Variants in KLRF1 observed in about 807,000 individuals in gnomAD.
KLRF1 encodes killer cell lectin like receptor F1.
Under a neutral mutation model 30.7 loss-of-function variants are expected in KLRF1, and 27 were observed. The observed-to-expected ratio is 0.88, with a 90% CI of 0.65 to 1.21. The LOEUF is 1.21. Among genes scored for constraint, KLRF1 ranks in the 50% most tolerant of loss-of-function variants. The pLI, the probability that KLRF1 is intolerant of heterozygous loss-of-function variation, is 0.00. For synonymous variants in KLRF1, 92 were observed against 89.3 expected, an observed-to-expected ratio of 1.03 and a Z score of -0.17; for missense variants, 246 against 259.3, an observed-to-expected ratio of 0.95 and a Z score of 0.35.
At chr12:9,822,173 C>T in the KLRF1 span, among the ~76,000 whole-genome samples, 4 of 152,186 alleles carry the variant, frequency 2.6e-5, no homozygotes, top group African/African-American at 9.7e-5. Context: ...GCAGAGCTGA[C>T]TGAAATGACA....
Position 9,841,966 on chromosome 12 carries a change from A to T in KLRF1, c.474+15A>T. 4 of 1,603,104 alleles carry T rather than the reference A, an allele frequency of 2.5e-6. No homozygotes were observed. Among genetic ancestry groups the T allele is most frequent in the Non-Finnish European group, 3.4e-6 (4 of 1,175,454 alleles). ...AACTTGAAATGGTAATTGGTCTAGT[A>T]TCAGGGTTATGGCATCTTTGCAGTA... On this transcript the variant is annotated intron_variant, in intron 4 of 5. Coordinates refer to ENST00000617889, the MANE Select transcript of KLRF1 (RefSeq NM_016523.3).
chr12:9,824,936 A>T (rs1270784999), upstream of KLRF1, among the ~76,000 whole-genome samples: 1 of 152,188 alleles, frequency 6.6e-6, no homozygotes, highest in African/African-American at 2.4e-5. Flanking sequence ...CTCTACAAGG[A>T]TAATTACAAA....
In KLRF1 at chr12:9,832,341, T is replaced by A. The variant is rs960700578; in HGVS notation, c.111T>A (p.Tyr37Ter). The A allele has an allele frequency of 6.2e-7, 1 of 1,607,336 alleles. No homozygotes were observed. The highest frequency in any genetic ancestry group is 1.3e-5 in the African/African-American group (1 of 74,754). Residue 37 changes from tyrosine (Y) to a stop codon, truncating the protein, a stop_gained, in exon 2 of 6, where the codon TAT (tyrosine) becomes TAA (stop). Coordinates refer to ENST00000617889, the MANE Select transcript of KLRF1 (RefSeq NM_016523.3). LOFTEE classifies it high-confidence loss of function. ...FKDYSVTLHW[Y>*]KILLGISGTV... ...ATTATTCAGTGACGTTGCACTGGTA[T>A]AAAATCTTACTGGGAATATCTGGAA...
chr12:9,832,161 A>G (rs1867443258), intron 1 of KLRF1, among the ~76,000 whole-genome samples, 155 bp from the exon 2 acceptor site: 1 of 152,178 alleles, frequency 6.6e-6, no homozygotes, highest in African/African-American at 2.4e-5. Flanking sequence ...ATAAATGTAT[A>G]TATTTTTCTA....
the KLRF1 span, among the ~76,000 whole-genome samples, chr12:9,803,968 G>C: frequency 6.6e-6 from 1 of 151,610 alleles, no homozygotes; most frequent in Non-Finnish European, 1.5e-5. Flanking sequence ...TTGATATCCT[G>C]GAAATAACTT....
chr12:9,809,023 T>A, the KLRF1 span, among the ~76,000 whole-genome samples: 1 of 152,162 alleles, frequency 6.6e-6, no homozygotes. Context: ...ATATATTCAA[T>A]GTATAGATGA....
At chr12:9,806,760 C>T in the KLRF1 span, among the ~76,000 whole-genome samples, 2 of 152,032 alleles carry the variant, frequency 1.3e-5, no homozygotes, top group Admixed American at 6.6e-5. Context: ...CGGCTCATTG[C>T]AACCTTAACC....
At chr12:9,817,714 G>T in the KLRF1 span, 1 of 218,350 alleles carries the variant, frequency 4.6e-6, no homozygotes, top group South Asian at 7.3e-5. Context: ...GTCTTTGCCT[G>T]TCTTTTCCTC....
the KLRF1 span, among the ~76,000 whole-genome samples, chr12:9,812,365 A>G: frequency 2.7e-5 from 1 of 37,266 alleles, no homozygotes; most frequent in Non-Finnish European, 7.7e-5. Flanking sequence ...ACGCCGTCTC[A>G]GGAAAAAAAA....
chr12:9,822,441 G>A, the KLRF1 span, among the ~76,000 whole-genome samples: 1 of 152,034 alleles, frequency 6.6e-6, no homozygotes, highest in East Asian at 1.9e-4. Flanking sequence ...AAATAAGACA[G>A]TCAGACAAAA....
chr12:9,820,121 A>G, the KLRF1 span, among the ~76,000 whole-genome samples: 1 of 151,918 alleles, frequency 6.6e-6, no homozygotes, highest in Non-Finnish European at 1.5e-5. Flanking sequence ...TGACCACCCA[A>G]CTGGGATCAC....
chr12:9,841,994 A>G (rs1478636842), intron 4 of KLRF1, 43 bp downstream of exon 4: 1 of 1,557,814 alleles, frequency 6.4e-7, no homozygotes, highest in Admixed American at 2.0e-5. Flanking sequence ...TTGCAGTAAA[A>G]AATGGCTTTC....
chr12:9,830,393 T>A (rs1402727921), intron 1 of KLRF1, among the ~76,000 whole-genome samples: 1 of 152,136 alleles, frequency 6.6e-6, no homozygotes, highest in Admixed American at 6.5e-5. Flanking sequence ...TATTTCTACC[T>A]GTAATTAGAA....
upstream of KLRF1, among the ~76,000 whole-genome samples, chr12:9,827,155 T>C (rs1258265590): frequency 6.6e-6 from 1 of 152,188 alleles, no homozygotes; most frequent in Non-Finnish European, 1.5e-5. Context: ...GGGAGGCTAA[T>C]TCAAATGATA....
chr12:9,841,825 A>G lies in KLRF1; in HGVS notation c.348A>G (p.Ser116=), dbSNP rs1292594712. 6.2e-7 allele frequency: 1 copy of G among 1,606,672 alleles called. No individual in the cohort carries two copies. The highest frequency in any genetic ancestry group is 8.5e-7 in the Non-Finnish European group (1 of 1,174,340). ...RSADQTVLCQ[S]EWLKYQGKCY... ...ATTTCTCTGTAGTACTATGCCAATC[A>G]GAATGGCTCAAATACCAAGGGAAGT... The change falls in exon 4 of 6, where the codon TCA becomes TCG. Residue 116 remains serine (S), a synonymous_variant. Coordinates refer to ENST00000617889, the MANE Select transcript of KLRF1 (RefSeq NM_016523.3).
intron 3 of KLRF1, among the ~76,000 whole-genome samples, 181 bp from the exon 4 acceptor site, chr12:9,841,631 C>G (rs1867704615): frequency 6.6e-6 from 1 of 152,030 alleles, no homozygotes; most frequent in African/African-American, 2.4e-5. Context: ...AATTAATTGT[C>G]TTAATTCCCA....
Position 9,841,831 on chromosome 12 carries a change from G to T in KLRF1, c.354G>T (p.Trp118Cys). 1 of 1,607,074 alleles carries T rather than the reference G, an allele frequency of 6.2e-7. No individual in the cohort carries two copies. ...ADQTVLCQSE[W>C]LKYQGKCYWF... ...CTGTAGTACTATGCCAATCAGAATG[G>T]CTCAAATACCAAGGGAAGTGTTATT... The change falls in exon 4 of 6, where the codon TGG (tryptophan) becomes TGT (cysteine). Residue 118 changes from tryptophan to cysteine, a missense_variant. By Grantham distance (215) the Trp-to-Cys change is radical. Transcript: ENST00000617889.
the KLRF1 span, among the ~76,000 whole-genome samples, chr12:9,814,920 A>G: frequency 1.3e-5 from 2 of 152,196 alleles, no homozygotes; most frequent in Non-Finnish European, 2.9e-5. Context: ...CTAGTGTTCA[A>G]CAGAATAGTA....
the KLRF1 span, among the ~76,000 whole-genome samples, chr12:9,807,752 T>G: frequency 6.6e-6 from 1 of 152,154 alleles, no homozygotes; most frequent in Non-Finnish European, 1.5e-5. Context: ...TTTCTCAGTT[T>G]ACTTTTTTGC....
Sources: gnomAD v4.1 joint callset for allele counts (sites outside exome capture counted in the v4.1 genomes callset) on GRCh38, gnomAD v4.1.1 for gene constraint, MANE v1.5 for transcripts, NCBI Gene and HGNC (gene_info 2026-07-23, HGNC 2026-07-21) for gene names.